RTEL1: variants seen among roughly 807,000 people sequenced by gnomAD.
RTEL1 encodes the protein regulator of telomere length.
RTEL1 carries 86 observed loss-of-function variants against 162.2 expected under a neutral mutation model. That is an observed-to-expected ratio of 0.53 (90% confidence interval 0.45 to 0.63). The LOEUF is 0.63. Among genes scored for constraint, RTEL1 ranks in the 30% least tolerant of loss-of-function variants. The pLI, the probability that RTEL1 is intolerant of heterozygous loss-of-function variation, is 0.00. For synonymous variants in RTEL1, 958 were observed against 717.9 expected, an observed-to-expected ratio of 1.33 and a Z score of -5.35; for missense variants, 1,941 against 1,750.2, an observed-to-expected ratio of 1.11 and a Z score of -1.95.
intron 6 of RTEL1, among the ~76,000 whole-genome samples, chr20:63,663,677 T>C (rs1234468295): frequency 2.0e-5 from 3 of 152,220 alleles, no homozygotes; most frequent in African/African-American, 7.2e-5. Flanking sequence ...CGGCGCGGTC[T>C]GTGCTTCTGT....
At chr20:63,678,837 C>T (rs1392482620) in intron 12 of RTEL1, among the ~76,000 whole-genome samples, 21 of 131,490 alleles carry the variant, frequency 1.6e-4, no homozygotes, top group African/African-American at 6.3e-4. Flanking sequence ...ACCCACGGAA[C>T]GGCACACACT....
chr20:63,673,906 G>C, intron 9 of RTEL1, 34 bp from the exon 10 acceptor site: 1 of 1,590,648 alleles, frequency 6.3e-7, no homozygotes, highest in Non-Finnish European at 8.6e-7. Flanking sequence ...ATCCTGTCCT[G>C]TTCTGTGGTG....
chr20:63,690,455 G>C lies in RTEL1; in HGVS notation c.2413+14G>C. 1 of 1,555,216 alleles carries C rather than the reference G, an allele frequency of 6.4e-7. No individual in the cohort carries two copies. The highest frequency in any genetic ancestry group is 8.7e-7 in the Non-Finnish European group (1 of 1,149,376). The stretch of plus-strand genomic sequence containing the variant: ...AGAGGTCCTCAGGTGCGGACGGGCA[G>C]CGCTGGGTGGGCGGTGTGGGGGTGG... On this transcript the variant is annotated intron_variant, in intron 26 of 34. Transcript: ENST00000360203.
At position 63,659,534 on chromosome 20, in the gene RTEL1, C is replaced by T. The variant is rs369972043; in HGVS notation, c.102+30C>T. 3.9e-6 allele frequency: 6 copies of T among 1,527,874 alleles called. No homozygotes were observed. The Admixed American group carries it at 5.0e-5, about 13-fold the overall frequency. 94.6% of individuals were successfully genotyped at this position (1,527,874 alleles called of 1,614,324 possible). ...AGCACAGGCCCCGAGGAAAGGACTGCGGGTGGGTGGAGCTTCAGCCAGGAC... is the reference window on the plus strand; with the variant it reads ...AGCACAGGCCCCGAGGAAAGGACTGTGGGTGGGTGGAGCTTCAGCCAGGAC... On this transcript the variant is annotated intron_variant, in intron 2 of 34. Transcript: ENST00000360203.
intron 8 of RTEL1, among the ~76,000 whole-genome samples, chr20:63,667,923 G>C (rs1248435551): frequency 2.0e-5 from 3 of 151,222 alleles, no homozygotes; most frequent in Non-Finnish European, 4.4e-5. Context: ...CCCAGCGCGT[G>C]CCCGGCCCCA....
intron 30 of RTEL1, among the ~76,000 whole-genome samples, 173 bp downstream of exon 30, chr20:63,693,456 TCCA>T (rs1262595789): frequency 9.5e-5 from 2 of 21,042 alleles, no homozygotes; most frequent in African/African-American, 2.7e-4. Flanking sequence ...CAGCACCACC[TCCA>T]CCTCCACCTC....
Position 63,681,375 on chromosome 20 carries a change from C to G in RTEL1, c.1191+656C>G, listed in dbSNP as rs571489739. On this transcript the variant is annotated intron_variant, in intron 14 of 34. Transcript: ENST00000360203. ...GGGGCCTCGGTGGCTTTTTTAGAAG[C>G]AGACTCAGAAGTCCCTGACTGGGGA... 4.4e-5 allele frequency: 43 copies of G among 985,320 alleles called. No individual in the cohort carries two copies. The African/African-American group carries it at 7.5e-4, about 17-fold the overall frequency. The allele number at this position is 985,320 out of a possible 1,614,324, so 61.0% of individuals were successfully genotyped here.
intron 31 of RTEL1, 64 bp downstream of exon 31, chr20:63,694,552 C>G: frequency 1.4e-6 from 2 of 1,391,572 alleles, no homozygotes; most frequent in African/African-American, 1.4e-5. Flanking sequence ...CTTCACGAGG[C>G]TAACTCTTGA....
intron 2 of RTEL1, among the ~76,000 whole-genome samples, chr20:63,660,274 TG>T (rs1244143462): frequency 1.3e-5 from 2 of 152,222 alleles, no homozygotes; most frequent in Non-Finnish European, 2.9e-5. Context: ...GGTGTTGGGC[TG>T]GGGGACTGTC....
chr20:63,690,897 G>A lies in RTEL1; in HGVS notation c.2506G>A (p.Ala836Thr). Residue 836 changes from alanine (A) to threonine (T), a missense_variant, in exon 27 of 35, where the codon GCC (alanine) becomes ACC (threonine). Transcript: ENST00000360203. ...CCGGCAGAGGCCCAGGGGGCTGCTG[G>A]CCGCCCTGGAGCACAGCGAACAGCG... ...PARQRPRGLL[A>T]ALEHSEQRAG... 2 of 1,583,674 alleles carry A rather than the reference G, an allele frequency of 1.3e-6. No individual in the cohort carries two copies. Among genetic ancestry groups the A allele is most frequent in the East Asian group, 2.3e-5 (1 of 43,884 alleles).
rs555472204 is a variant in RTEL1 at position 63,662,717 on chromosome 20, A to G, written c.477+90A>G. 32 of 1,597,008 alleles carry G rather than the reference A, an allele frequency of 2.0e-5. No individual in the cohort carries two copies. The Middle Eastern group carries it at 6.7e-4, about 33-fold the overall frequency. ...CCCCAGGCTGCGCTCCCGCTGGGCT[A>G]GGGTTTGAAGTTCACTGGGGGACTG... On this transcript the variant is annotated intron_variant, in intron 5 of 34. Coordinates refer to ENST00000360203, the MANE Select transcript of RTEL1 (RefSeq NM_001283009.2).
chr20:63,691,119 C>A (rs192348832), intron 27 of RTEL1, among the ~76,000 whole-genome samples, 172 bp downstream of exon 27: 1 of 151,988 alleles, frequency 6.6e-6, no homozygotes, highest in African/African-American at 2.4e-5. Flanking sequence ...TGTGGGTCCT[C>A]CACCCCACCT....
rs1568720363 is a variant in RTEL1 at position 63,693,498 on chromosome 20, TCCACCACCACCTCCTCCA to T, written c.2992+230_2992+247del. The stretch of plus-strand genomic sequence containing the variant: ...CTCCACCTCCACCACCACCTCCACC[TCCACCACCACCTCCTCCA>T]CCACCACCACCTCCACCACCACCAC... On this transcript the variant is annotated intron_variant, in intron 30 of 34. Coordinates refer to ENST00000360203, the MANE Select transcript of RTEL1 (RefSeq NM_001283009.2). Among the ~76,000 whole-genome samples the T allele has an allele frequency of 7.0e-3, 31 of 4,398 alleles. 2 individuals are homozygous for T. The highest frequency in any genetic ancestry group is 7.7e-3 in the East Asian group (2 of 260). The allele number at this position is 4,398 out of a possible 152,430, so 2.9% of individuals were successfully genotyped here.
At chr20:63,660,642 C>T (rs2090001552) in intron 2 of RTEL1, 1 of 152,924 alleles carries the variant, frequency 6.5e-6, no homozygotes, top group South Asian at 2.1e-4. Flanking sequence ...TCTACATAGA[C>T]ACAGTAACAG....
At chr20:63,695,267 C>T in intron 33 of RTEL1, 46 bp downstream of exon 33, 2 of 1,605,474 alleles carry the variant, frequency 1.2e-6, no homozygotes, top group Non-Finnish European at 1.7e-6. Context: ...CAACCGCACG[C>T]AGCCCTGGGA....
At chr20:63,672,279 G>A (rs1257823083) in intron 8 of RTEL1, among the ~76,000 whole-genome samples, 5 of 152,160 alleles carry the variant, frequency 3.3e-5, no homozygotes, top group African/African-American at 7.2e-5. Flanking sequence ...TCCTGACTGC[G>A]GTGGCCGGGG....
At chr20:63,687,435 C>A in intron 16 of RTEL1, 1 of 585,324 alleles carries the variant, frequency 1.7e-6, no homozygotes, top group Non-Finnish European at 3.0e-6. Context: ...GACCCCCTGT[C>A]CCCCAGAGGG....
intron 10 of RTEL1, 82 bp downstream of exon 10, chr20:63,674,175 C>T: frequency 1.3e-6 from 2 of 1,523,022 alleles, no homozygotes; most frequent in Non-Finnish European, 1.8e-6. Context: ...CACGGACTCC[C>T]CCAGCCCAGG....
At position 63,658,949 on chromosome 20, in the gene RTEL1, C is replaced by T. The variant is rs113787188; in HGVS notation, c.-170-284C>T. ...CGCCTGGTGAGGCCGGGAGGGGTGC[C>T]GCTTGCCTCTTCAGCCCTCACGCTC... On this transcript the variant is annotated intron_variant, in intron 1 of 34. Coordinates refer to ENST00000360203, the MANE Select transcript of RTEL1 (RefSeq NM_001283009.2). Among the ~76,000 whole-genome samples, 38 of 152,332 alleles carry T rather than the reference C, an allele frequency of 2.5e-4. 1 individual carries two copies. The highest frequency in any genetic ancestry group is 8.9e-4 in the African/African-American group (37 of 41,572).
Sources: gnomAD v4.1 joint callset for allele counts (sites outside exome capture counted in the v4.1 genomes callset) on GRCh38, gnomAD v4.1.1 for gene constraint, MANE v1.5 for transcripts, NCBI Gene and HGNC (gene_info 2026-07-23, HGNC 2026-07-21) for gene names.